Variants in HS3ST3A1 observed in about 807,000 individuals in gnomAD.
HS3ST3A1 encodes heparan sulfate-glucosamine 3-sulfotransferase 3A1.
Under a neutral mutation model 25.7 loss-of-function variants are expected in HS3ST3A1, and 19 were observed. That is an observed-to-expected ratio of 0.74 (90% CI 0.52 to 1.08). HS3ST3A1 has a LOEUF of 1.08. HS3ST3A1 is among the 50% of genes least tolerant of loss of function. HS3ST3A1 has a pLI of 0.00. For missense variants in HS3ST3A1, 459 were observed against 594.3 expected (o/e 0.77, Z 2.37); for synonymous variants, 226 against 278.6 (o/e 0.81, Z 1.88).
intron 1 of HS3ST3A1, among the ~76,000 whole-genome samples, chr17:13,581,712 C>T (rs1252806753): frequency 6.6e-6 from 1 of 152,108 alleles, no homozygotes; most frequent in Non-Finnish European, 1.5e-5. Flanking sequence ...ATCTTAAAAA[C>T]ATGATTTGAT....
rs370108915 is a variant in HS3ST3A1 at position 13,555,183 on chromosome 17, C to A, written c.599+45348G>T. On this transcript the variant is annotated intron_variant, in intron 1 of 1. Transcript: ENST00000284110. ...GCACAGATTACACCCTTATGCCTCC[C>A]GCTGGGTGGGCCTTTTCTGCCTGGA... Among the ~76,000 whole-genome samples, 49 of 152,240 alleles carry A rather than the reference C, an allele frequency of 3.2e-4. 1 individual carries two copies. The highest frequency in any genetic ancestry group is 1.0e-3 in the Admixed American group (16 of 15,284).
chr17:13,529,074 G>C (rs956519496), intron 1 of HS3ST3A1, among the ~76,000 whole-genome samples: 1 of 152,126 alleles, frequency 6.6e-6, no homozygotes, highest in African/African-American at 2.4e-5. Flanking sequence ...AGAATGAGCT[G>C]TACAAAGCAA....
At chr17:13,536,997 G>T (rs897262126) in intron 1 of HS3ST3A1, among the ~76,000 whole-genome samples, 3 of 152,188 alleles carry the variant, frequency 2.0e-5, no homozygotes, top group African/African-American at 7.2e-5. Flanking sequence ...CCTGACGTAA[G>T]GTCTGCGAAG....
chr17:13,563,125 T>C (rs1311880703), intron 1 of HS3ST3A1, among the ~76,000 whole-genome samples: 2 of 151,486 alleles, frequency 1.3e-5, no homozygotes, highest in Non-Finnish European at 2.9e-5. Flanking sequence ...AATCACTTTA[T>C]CTAACCTTCC....
chr17:13,600,701 C>T lies in HS3ST3A1; in HGVS notation c.429G>A (p.Leu143=). Residue 143 remains leucine (L), a synonymous_variant, in exon 1 of 2, where the codon CTG becomes CTA. Coordinates refer to ENST00000284110, the MANE Select transcript of HS3ST3A1 (RefSeq NM_006042.3). ...VAEAPPGTLA[L]LLDEGSKQLP... is the part of the protein sequence containing the mutation. ...GCTGCTTGCTGCCTTCGTCCAGGAG[C>T]AGCGCCAGGGTCCCCGGCGGGGCCT... 6.4e-7 allele frequency: 1 copy of T among 1,572,192 alleles called. No individual in the cohort carries two copies. The highest frequency in any genetic ancestry group is 8.6e-7 in the Non-Finnish European group (1 of 1,166,292).
Position 13,601,372 on chromosome 17 carries a change from T to A in HS3ST3A1, c.-243A>T, listed in dbSNP as rs3744336. 0.018 allele frequency: 8,361 copies of A among 471,604 alleles called. 303 individuals carry two copies. Among genetic ancestry groups the A allele is most frequent in the East Asian group, 0.12 (3,209 of 27,138 alleles). The allele number at this position is 471,604 out of a possible 1,614,324, so 29.2% of individuals were successfully genotyped here. On this transcript the variant is annotated 5_prime_UTR_variant, in exon 1 of 2. Transcript: ENST00000284110. ...GAGCGGGAAGGGGAACGCGGGTCCG[T>A]GCTTAAGAAACCATCGTCTTAGACT...
intron 1 of HS3ST3A1, among the ~76,000 whole-genome samples, chr17:13,598,672 TC>T (rs200658221): frequency 4.8e-4 from 73 of 151,890 alleles, no homozygotes; most frequent in African/African-American, 1.6e-3. Context: ...TCTTTTTTTT[TC>T]TTTCTTTCTT....
At chr17:13,539,284 G>A (rs970789907) in intron 1 of HS3ST3A1, among the ~76,000 whole-genome samples, 1 of 152,246 alleles carries the variant, frequency 6.6e-6, no homozygotes, top group Non-Finnish European at 1.5e-5. Flanking sequence ...TCAAATCCAA[G>A]TGGAGTGAAC....
intron 1 of HS3ST3A1, among the ~76,000 whole-genome samples, chr17:13,563,477 A>G (rs149166545): frequency 4.5e-4 from 68 of 152,288 alleles, no homozygotes; most frequent in African/African-American, 1.6e-3. Flanking sequence ...GTATGTAGGC[A>G]TTTTGTGAGG....
intron 1 of HS3ST3A1, among the ~76,000 whole-genome samples, chr17:13,533,341 A>G (rs1906668273): frequency 2.6e-5 from 4 of 151,838 alleles, no homozygotes; most frequent in Non-Finnish European, 4.4e-5. Flanking sequence ...AGGTTATCTC[A>G]CTTTATCCTC....
At chr17:13,570,549 A>G (rs1254754100) in intron 1 of HS3ST3A1, among the ~76,000 whole-genome samples, 1 of 152,206 alleles carries the variant, frequency 6.6e-6, no homozygotes, top group African/African-American at 2.4e-5. Flanking sequence ...ACACAATCAC[A>G]GCTCAGTGTA....
intron 1 of HS3ST3A1, among the ~76,000 whole-genome samples, chr17:13,541,757 G>A (rs898105133): frequency 3.3e-5 from 5 of 152,186 alleles, no homozygotes; most frequent in South Asian, 2.1e-4. Flanking sequence ...AGTTTCCATA[G>A]CATTCGTTCA....
chr17:13,519,034 A>T (rs1459464898), intron 1 of HS3ST3A1, among the ~76,000 whole-genome samples: 7 of 152,260 alleles, frequency 4.6e-5, no homozygotes, highest in African/African-American at 7.2e-5. Context: ...GCTTACCAAA[A>T]ATCTGGACAG....
chr17:13,515,919 G>T (rs1906037457), intron 1 of HS3ST3A1, among the ~76,000 whole-genome samples: 1 of 152,084 alleles, frequency 6.6e-6, no homozygotes, highest in South Asian at 2.1e-4. Flanking sequence ...GTCTTTTTAT[G>T]TGTTTAATTG....
intron 1 of HS3ST3A1, among the ~76,000 whole-genome samples, chr17:13,597,106 T>C (rs942597129): frequency 1.3e-5 from 2 of 152,052 alleles, no homozygotes; most frequent in African/African-American, 2.4e-5. Context: ...AACTGAAATA[T>C]AAGAAATAGA....
At chr17:13,530,564 A>G (rs1224292733) in intron 1 of HS3ST3A1, among the ~76,000 whole-genome samples, 1 of 152,190 alleles carries the variant, frequency 6.6e-6, no homozygotes, top group Non-Finnish European at 1.5e-5. Flanking sequence ...ACTAACTTTT[A>G]AAAATCATAT....
chr17:13,509,481 AATG>A (rs138131913), intron 1 of HS3ST3A1, among the ~76,000 whole-genome samples: 6,548 of 152,272 alleles, frequency 0.043, 155 homozygotes, highest in Non-Finnish European at 0.051. Context: ...TGTCCATAAA[AATG>A]ATGACAAATA....
chr17:13,566,368 G>C (rs999884814), intron 1 of HS3ST3A1, among the ~76,000 whole-genome samples: 1 of 152,124 alleles, frequency 6.6e-6, no homozygotes, highest in African/African-American at 2.4e-5. Flanking sequence ...CCACAGACCA[G>C]CTATCCCCCA....
At chr17:13,564,789 T>G (rs967960092) in intron 1 of HS3ST3A1, among the ~76,000 whole-genome samples, 1 of 148,842 alleles carries the variant, frequency 6.7e-6, no homozygotes, top group African/African-American at 2.5e-5. Flanking sequence ...AGTGGTGCGA[T>G]CGCAGCTCAC....
Sources: allele counts gnomAD v4.1 joint callset (sites outside exome capture counted in the v4.1 genomes callset), GRCh38; gene constraint gnomAD v4.1.1; transcripts MANE v1.5; gene names NCBI Gene and HGNC (gene_info 2026-07-23, HGNC 2026-07-21).